Variants in CSMD2 observed in about 807,000 individuals in gnomAD.
The protein encoded by CSMD2 is CUB and sushi domain-containing protein 2.
Under a neutral mutation model 398.5 loss-of-function variants are expected in CSMD2, and 130 were observed. The observed-to-expected ratio is 0.33, with a 90% CI of 0.28 to 0.38. The LOEUF (loss-of-function observed/expected upper bound fraction) is 0.38, where lower values mean the gene tolerates loss of function less well. Ranked by LOEUF, CSMD2 falls within the 10% of genes least tolerant of loss-of-function variation. The pLI, the probability that CSMD2 is intolerant of heterozygous loss-of-function variation, is 1.00. For missense variants in CSMD2, 3,829 were observed against 4,764.9 expected, an observed-to-expected ratio of 0.80 and a Z score of 5.78; for synonymous variants, 1,828 against 1,908.5, an observed-to-expected ratio of 0.96 and a Z score of 1.10.
chr1:33,691,470 A>G (rs1215297822), intron 25 of CSMD2, among the ~76,000 whole-genome samples: 6 of 152,330 alleles, frequency 3.9e-5, no homozygotes, highest in Admixed American at 3.9e-4. Flanking sequence ...TAAATACTTA[A>G]TACATTTCCT....
chr1:34,056,437 G>A (rs778677596), intron 2 of CSMD2, among the ~76,000 whole-genome samples: 1 of 152,152 alleles, frequency 6.6e-6, no homozygotes, highest in Non-Finnish European at 1.5e-5. Context: ...TATCTGAAAG[G>A]CCTGCAATTT....
rs148612149 is a variant in CSMD2 at position 33,711,171 on chromosome 1, G to C, written c.3407-1913C>G. ...ACATTTCTTTGATGATCTCAGATGA[G>C]GGTGAGGGTGAGGATTTGTCGGGGG... On this transcript the variant is annotated intron_variant, in intron 21 of 70. Transcript: ENST00000373381. Among the ~76,000 whole-genome samples, 306 of 152,260 alleles carry C rather than the reference G, an allele frequency of 2.0e-3. 2 individuals carry two copies. The highest frequency in any genetic ancestry group is 7.2e-3 in the African/African-American group (298 of 41,530).
chr1:33,665,454 T>TTC (rs1644275630), intron 25 of CSMD2, among the ~76,000 whole-genome samples: 1 of 147,988 alleles, frequency 6.8e-6, no homozygotes, highest in African/African-American at 2.5e-5. Flanking sequence ...AGTTTCTTTC[T>TTC]TCTCTCTTTT....
intron 2 of CSMD2, among the ~76,000 whole-genome samples, chr1:34,073,799 C>T (rs1231853883): frequency 3.9e-5 from 6 of 152,184 alleles, no homozygotes; most frequent in Admixed American, 3.9e-4. Flanking sequence ...TCTTGCATTG[C>T]TGTAAAGAAA....
At chr1:34,157,576 C>A (rs1167099766) in intron 1 of CSMD2, among the ~76,000 whole-genome samples, 1 of 151,028 alleles carries the variant, frequency 6.6e-6, no homozygotes, top group Non-Finnish European at 1.5e-5. Flanking sequence ...TTATCCCATC[C>A]CACCCCAGTG....
chr1:33,600,072 C>T (rs1640110994), intron 44 of CSMD2: 3 of 670,434 alleles, frequency 4.5e-6, no homozygotes, highest in African/African-American at 1.8e-5. Context: ...GCCTTACTAC[C>T]TCACAGAATT....
intron 5 of CSMD2, among the ~76,000 whole-genome samples, chr1:33,877,634 T>C (rs927542237): frequency 6.6e-6 from 1 of 152,178 alleles, no homozygotes; most frequent in Non-Finnish European, 1.5e-5. Context: ...GACAATACTG[T>C]AGTGGTAAAG....
chr1:34,063,335 G>A (rs1654736073), intron 2 of CSMD2, among the ~76,000 whole-genome samples: 1 of 152,208 alleles, frequency 6.6e-6, no homozygotes, highest in Non-Finnish European at 1.5e-5. Context: ...TCTGAGACAA[G>A]GCAAGTCCTT....
intron 13 of CSMD2, among the ~76,000 whole-genome samples, chr1:33,750,756 CA>C (rs1174218732): frequency 6.6e-5 from 10 of 152,158 alleles, no homozygotes; most frequent in Admixed American, 5.9e-4. Context: ...GATGCTAGAA[CA>C]AATGGCTAGC....
intron 25 of CSMD2, among the ~76,000 whole-genome samples, chr1:33,676,787 G>T (rs543120878): frequency 6.6e-6 from 1 of 152,230 alleles, no homozygotes; most frequent in African/African-American, 2.4e-5. Context: ...ACAGAACAGA[G>T]CCCTCAGAAA....
rs35932181 is a variant in CSMD2, at chr1:33,908,085, CAAAA to C, written c.920+10005_920+10008del. On this transcript the variant is annotated intron_variant, in intron 5 of 70. Coordinates refer to ENST00000373381, the MANE Select transcript of CSMD2 (RefSeq NM_001281956.2). ...TGGCTGACAGAGCAAGACTCCATCT[CAAAA>C]AAAAAAAAAAAAAAAAAAGAAAAGT... Among the ~76,000 whole-genome samples the C allele has an allele frequency of 4.5e-3, 347 of 77,088 alleles. 2 individuals carry two copies. The highest frequency in any genetic ancestry group is 0.02 in the African/African-American group (321 of 16,404). 50.6% of individuals were successfully genotyped at this position (77,088 alleles called of 152,430 possible).
At chr1:33,600,479 T>C in intron 44 of CSMD2, 1 of 524,934 alleles carries the variant, frequency 1.9e-6, no homozygotes, top group African/African-American at 1.9e-5. Context: ...CAGTGCTCCT[T>C]GAGAGGTCAG....
intron 2 of CSMD2, among the ~76,000 whole-genome samples, chr1:34,074,216 C>A (rs527420741): frequency 1.3e-5 from 2 of 152,194 alleles, no homozygotes; most frequent in Non-Finnish European, 2.9e-5. Context: ...AGCTTAGGGG[C>A]CTTACATGCT....
At position 33,533,890 on chromosome 1, in the gene CSMD2, G is replaced by A; in HGVS notation, c.9897C>T (p.Leu3299=). Residue 3299 remains leucine, a synonymous_variant, in exon 63 of 71, where the codon CTC becomes CTT. Coordinates refer to ENST00000373381, the MANE Select transcript of CSMD2 (RefSeq NM_001281956.2). The surrounding 1 kb of genome is among the most constrained non-coding windows in gnomAD (Gnocchi z 4.2). Reference sequence around the variant, plus strand: ...GCAGGTAGCCTTTTTGACAACGGAAGAGGACTGTGCTTCCAACCTGCGGCA... The same window carrying A: ...GCAGGTAGCCTTTTTGACAACGGAAAAGGACTGTGCTTCCAACCTGCGGCA... The part of the protein sequence containing the change: ...SQGYQVGSTV[L]FRCQKGYLLQ... 6.2e-7 allele frequency: 1 copy of A among 1,613,634 alleles called. No individual in the cohort carries two copies. Among genetic ancestry groups the A allele is most frequent in the Non-Finnish European group, 8.5e-7 (1 of 1,179,532 alleles).
intron 3 of CSMD2, among the ~76,000 whole-genome samples, chr1:33,956,436 G>A (rs1645171410): frequency 6.6e-6 from 1 of 152,054 alleles, no homozygotes; most frequent in African/African-American, 2.4e-5. Flanking sequence ...TTTTGTGACT[G>A]GCATCCTTCA....
At chr1:33,908,085 CAA>C (rs35932181) in intron 5 of CSMD2, among the ~76,000 whole-genome samples, 28,383 of 76,048 alleles carry the variant, frequency 0.37, 3,006 homozygotes, top group Non-Finnish European at 0.44. Context: ...GACTCCATCT[CAA>C]AAAAAAAAAA....
At chr1:33,680,248 A>G (rs1289429216) in intron 25 of CSMD2, among the ~76,000 whole-genome samples, 1 of 105,810 alleles carries the variant, frequency 9.5e-6, no homozygotes, top group African/African-American at 3.7e-5. Context: ...CCAACCTTTT[A>G]TTTTTAATAT....
chr1:34,124,664 T>C (rs1662556060), intron 1 of CSMD2, among the ~76,000 whole-genome samples: 2 of 152,096 alleles, frequency 1.3e-5, no homozygotes, highest in South Asian at 2.1e-4. Context: ...CAATGCGAGG[T>C]TGGCATCCCA....
chr1:33,597,071 G>A (rs949924485), intron 44 of CSMD2, among the ~76,000 whole-genome samples: 2 of 150,984 alleles, frequency 1.3e-5, no homozygotes, highest in Non-Finnish European at 3.0e-5. Context: ...TTTTTCAAGG[G>A]CATTTTTCTC....
Sources: allele counts gnomAD v4.1 joint callset (sites outside exome capture counted in the v4.1 genomes callset), GRCh38; gene constraint gnomAD v4.1.1; non-coding constraint Gnocchi (gnomAD v3.1); transcripts MANE v1.5; gene names NCBI Gene and HGNC (gene_info 2026-07-23, HGNC 2026-07-21).